The following MAPK10 variants were observed in gnomAD, a reference collection of about 807,000 sequenced individuals.
The protein encoded by MAPK10 is mitogen-activated protein kinase 10.
Under a neutral mutation model 59.3 loss-of-function variants are expected in MAPK10, and 25 were observed. That is an observed-to-expected ratio of 0.42 (90% CI 0.31 to 0.59). The LOEUF is 0.59. Ranked by LOEUF, MAPK10 falls within the 20% of genes least tolerant of loss-of-function variation. The pLI is 0.15. For synonymous variants in MAPK10, 190 were observed against 200.5 expected (o/e 0.95, Z 0.44); for missense variants, 351 against 568.9 (o/e 0.62, Z 3.90).
At chr4:86,222,111 C>T (rs777829529) in intron 2 of MAPK10, among the ~76,000 whole-genome samples, 17 of 152,176 alleles carry the variant, frequency 1.1e-4, no homozygotes, top group Non-Finnish European at 2.2e-4. Context: ...TTTCCTGAGG[C>T]CTCCCCAGAA....
At chr4:86,429,356 A>G (rs1371775926) in intron 1 of MAPK10, among the ~76,000 whole-genome samples, 1 of 152,206 alleles carries the variant, frequency 6.6e-6, no homozygotes, top group Non-Finnish European at 1.5e-5. Context: ...TGGTTAAGCA[A>G]TTTGAACATG....
At chr4:86,534,372 TAAC>T (rs1758072664) in intron 1 of MAPK10, among the ~76,000 whole-genome samples, 2 of 152,042 alleles carry the variant, frequency 1.3e-5, no homozygotes, top group African/African-American at 2.4e-5. Flanking sequence ...AGCTGTTACA[TAAC>T]AACTAGATGC....
chr4:86,070,541 CT>C (rs1380392192), intron 9 of MAPK10, among the ~76,000 whole-genome samples: 22 of 122,118 alleles, frequency 1.8e-4, no homozygotes, highest in African/African-American at 6.7e-4. Context: ...TCCTTCCCCC[CT>C]CCCCCCACCC....
chr4:86,311,967 TCA>T (rs937619672), intron 2 of MAPK10, among the ~76,000 whole-genome samples: 4 of 93,794 alleles, frequency 4.3e-5, no homozygotes, highest in Non-Finnish European at 1.1e-4. Context: ...TGGGGCAGAC[TCA>T]TAAAAAACTA....
intron 1 of MAPK10, among the ~76,000 whole-genome samples, chr4:86,415,136 CA>C (rs5860025): frequency 0.012 from 1,234 of 106,288 alleles, 14 homozygotes; most frequent in African/African-American, 0.042. Context: ...AAGATTCTGT[CA>C]AAAAAAAAAA....
chr4:86,260,051 C>A (rs181065988), intron 2 of MAPK10, among the ~76,000 whole-genome samples: 3 of 152,180 alleles, frequency 2.0e-5, no homozygotes, highest in Admixed American at 1.3e-4. Context: ...TTAATAATAG[C>A]CATTCACTCT....
intron 9 of MAPK10, among the ~76,000 whole-genome samples, chr4:86,075,834 C>G (rs2049221651): frequency 6.6e-6 from 1 of 152,168 alleles, no homozygotes; most frequent in South Asian, 2.1e-4. Context: ...GCAGAGGTTA[C>G]TGCTGTCTTT....
At chr4:86,451,256 A>G (rs1164620783) in intron 1 of MAPK10, among the ~76,000 whole-genome samples, 2 of 152,148 alleles carry the variant, frequency 1.3e-5, no homozygotes, top group Non-Finnish European at 2.9e-5. Context: ...TATGTCCTAC[A>G]CTGTTATCCC....
chr4:86,441,744 C>A (rs967049041), intron 1 of MAPK10, among the ~76,000 whole-genome samples: 4 of 152,180 alleles, frequency 2.6e-5, no homozygotes, highest in Middle Eastern at 3.2e-3. Context: ...ACCCCATCCA[C>A]ACTAGGGACA....
At chr4:86,107,184 A>G (rs1203222933) in intron 5 of MAPK10, 39 bp downstream of exon 5, 2 of 1,545,536 alleles carry the variant, frequency 1.3e-6, no homozygotes, top group Non-Finnish European at 1.8e-6. Flanking sequence ...CAATCTTACA[A>G]ACTCCCACTG....
intron 1 of MAPK10, among the ~76,000 whole-genome samples, chr4:86,589,989 A>G (rs1762919020): frequency 6.6e-6 from 1 of 152,008 alleles, no homozygotes; most frequent in African/African-American, 2.4e-5. Flanking sequence ...ATCTTAAAAA[A>G]AAAAAAAAAA....
At position 86,240,455 on chromosome 4, in the gene MAPK10, G is replaced by A. The variant is rs191580301; in HGVS notation, c.-6-46048C>T. Among the ~76,000 whole-genome samples, 23 of 152,230 alleles carry A rather than the reference G, an allele frequency of 1.5e-4. No homozygotes were observed. The South Asian group carries it at 3.1e-3, about 21-fold the overall frequency. The stretch of plus-strand genomic sequence containing the variant: ...CTAATACTGACAGTGGGGTGTTAAC[G>A]TCTCCCACTATTATTGTGTGGGAGT... On this transcript the variant is annotated intron_variant, in intron 2 of 13. Coordinates refer to ENST00000641462, the MANE Select transcript of MAPK10 (RefSeq NM_138982.4).
intron 11 of MAPK10, among the ~76,000 whole-genome samples, chr4:86,033,998 C>T (rs906956401): frequency 6.6e-6 from 1 of 152,204 alleles, no homozygotes; most frequent in Non-Finnish European, 1.5e-5. Flanking sequence ...CTCGCTTGTG[C>T]TCTTTCCCTA....
At chr4:86,305,509 TC>T (rs1057470121) in intron 2 of MAPK10, among the ~76,000 whole-genome samples, 1 of 152,094 alleles carries the variant, frequency 6.6e-6, no homozygotes, top group African/African-American at 2.4e-5. Context: ...TATTTCATTT[TC>T]CTAAGTTTTA....
At chr4:86,165,512 T>A (rs955260852) in intron 3 of MAPK10, among the ~76,000 whole-genome samples, 1 of 147,260 alleles carries the variant, frequency 6.8e-6, no homozygotes, top group African/African-American at 2.5e-5. Context: ...TGATAGCTGA[T>A]ACTATAGGCA....
chr4:86,211,140 AAGAG>A (rs747079507), intron 2 of MAPK10, among the ~76,000 whole-genome samples: 2 of 151,774 alleles, frequency 1.3e-5, no homozygotes, highest in Non-Finnish European at 2.9e-5. Context: ...TCAAAAGAAG[AAGAG>A]AGAGAGAGGG....
At chr4:86,084,732 A>G (rs997198431) in intron 9 of MAPK10, among the ~76,000 whole-genome samples, 2 of 144,740 alleles carry the variant, frequency 1.4e-5, no homozygotes, top group African/African-American at 5.8e-5. Flanking sequence ...TGTTCTTCAC[A>G]GATAGAAAAC....
intron 2 of MAPK10, among the ~76,000 whole-genome samples, 178 bp downstream of exon 2, chr4:86,354,352 G>C (rs1343452218): frequency 6.6e-6 from 1 of 152,034 alleles, no homozygotes; most frequent in Non-Finnish European, 1.5e-5. Flanking sequence ...ACTGTATGTG[G>C]TATTAGTAGT....
Position 86,427,074 on chromosome 4 carries a change from G to A in MAPK10, c.-122+25956C>T, listed in dbSNP as rs188764617. 7.5e-3 allele frequency among the ~76,000 whole-genome samples: 1,140 copies of A among 151,872 alleles called. 4 individuals carry two copies. Among genetic ancestry groups the A allele is most frequent in the Non-Finnish European group, 0.013 (912 of 67,914 alleles). On this transcript the variant is annotated intron_variant, in intron 1 of 13. Coordinates refer to the MAPK10 transcript ENST00000361569. Reference sequence around the variant, plus strand: ...AGATCGAGACCATCCTGGTTAACGCGGTGAAACCCGTCTCTACTAAAAATA... The same window carrying A: ...AGATCGAGACCATCCTGGTTAACGCAGTGAAACCCGTCTCTACTAAAAATA...
Sources: gnomAD v4.1 joint callset for allele counts (sites outside exome capture counted in the v4.1 genomes callset) on GRCh38, gnomAD v4.1.1 for gene constraint, MANE v1.5 for transcripts, NCBI Gene and HGNC (gene_info 2026-07-23, HGNC 2026-07-21) for gene names.